Variants in NR6A1 observed in about 807,000 individuals in gnomAD.
NR6A1 encodes retinoic acid receptor-related testis-associated receptor.
In NR6A1, 7 loss-of-function variants were observed where a neutral mutation model predicts 59.1. The ratio of observed to expected loss-of-function variants is 0.12; its 90% CI spans 0.07 to 0.22. NR6A1 has a LOEUF of 0.22. NR6A1 is among the 10% of genes least tolerant of loss of function. NR6A1 has a pLI of 1.00. For synonymous variants in NR6A1, 243 were observed against 236.1 expected (o/e 1.03, Z -0.27); for missense variants, 468 against 611.6 (o/e 0.77, Z 2.48).
intron 2 of NR6A1, among the ~76,000 whole-genome samples, chr9:124,570,510 T>C (rs1251093372): frequency 6.6e-6 from 1 of 152,242 alleles, no homozygotes; most frequent in African/African-American, 2.4e-5. Context: ...CTCCATCATC[T>C]GACTTCTCAA....
chr9:124,770,630 G>A (rs1841113003), intron 1 of NR6A1, among the ~76,000 whole-genome samples: 3 of 147,374 alleles, frequency 2.0e-5, no homozygotes, highest in South Asian at 4.5e-4. Flanking sequence ...TGAGGAGCCC[G>A]GGGGGAGGGG....
intron 2 of NR6A1, among the ~76,000 whole-genome samples, chr9:124,659,506 A>G (rs1410612030): frequency 6.6e-6 from 1 of 152,072 alleles, no homozygotes; most frequent in Non-Finnish European, 1.5e-5. Context: ...GGCAAGGGGG[A>G]ATGCAGAGGG....
chr9:124,632,030 C>T (rs1564209664), intron 2 of NR6A1, among the ~76,000 whole-genome samples: 1 of 152,160 alleles, frequency 6.6e-6, no homozygotes, highest in Non-Finnish European at 1.5e-5. Context: ...CATAGTATTC[C>T]ATGATGTATA....
intron 2 of NR6A1, among the ~76,000 whole-genome samples, chr9:124,616,456 A>T (rs1006654859): frequency 1.3e-5 from 2 of 151,280 alleles, no homozygotes; most frequent in African/African-American, 4.8e-5. Flanking sequence ...TCCCACAACC[A>T]CATAAACAAA....
chr9:124,688,629 C>A (rs1220284793), intron 2 of NR6A1, among the ~76,000 whole-genome samples: 1 of 152,144 alleles, frequency 6.6e-6, no homozygotes, highest in Non-Finnish European at 1.5e-5. Flanking sequence ...AGTAGCCACT[C>A]GTAACAAGAT....
intron 1 of NR6A1, among the ~76,000 whole-genome samples, chr9:124,744,791 G>A (rs1009097941): frequency 6.6e-6 from 1 of 152,212 alleles, no homozygotes; most frequent in Non-Finnish European, 1.5e-5. Flanking sequence ...CATGGTCAGA[G>A]AGCTTTCAAA....
At chr9:124,568,103 G>A (rs1834322489) in intron 2 of NR6A1, among the ~76,000 whole-genome samples, 1 of 145,962 alleles carries the variant, frequency 6.9e-6, no homozygotes, top group Non-Finnish European at 1.5e-5. Context: ...GAACTTGGAA[G>A]GTGGAGGTTG....
intron 1 of NR6A1, among the ~76,000 whole-genome samples, chr9:124,738,208 C>T (rs914764750): frequency 3.3e-5 from 5 of 151,462 alleles, no homozygotes; most frequent in East Asian, 2.0e-4. Context: ...GAGCGGAGAT[C>T]GCGCCACTGT....
At chr9:124,611,782 A>AGAGAGAGAGAGAGAGAGAGAGAGAG (rs368862963) in intron 2 of NR6A1, among the ~76,000 whole-genome samples, 1 of 120,280 alleles carries the variant, frequency 8.3e-6, no homozygotes, top group African/African-American at 3.3e-5. Flanking sequence ...AGAGAGAGAG[A>AGAGAGAGAGAGAGAGAGAGAGAGAG]ATGAGAGAGA....
chr9:124,634,550 G>A (rs957784057), intron 2 of NR6A1, among the ~76,000 whole-genome samples: 7 of 151,970 alleles, frequency 4.6e-5, no homozygotes, highest in South Asian at 2.1e-4. Flanking sequence ...TGCCGGGCAC[G>A]GTAGCTCACG....
intron 2 of NR6A1, among the ~76,000 whole-genome samples, chr9:124,716,263 A>G (rs1014479563): frequency 6.6e-6 from 1 of 152,238 alleles, no homozygotes; most frequent in African/African-American, 2.4e-5. Context: ...ACAAATGAAT[A>G]TTCATATTAA....
intron 2 of NR6A1, among the ~76,000 whole-genome samples, chr9:124,656,793 T>C (rs1404897852): frequency 2.0e-5 from 3 of 152,228 alleles, no homozygotes; most frequent in East Asian, 1.9e-4. Context: ...GACAGTGCCA[T>C]TGCATCCCAG....
rs1197610420 is a variant in NR6A1, at chr9:124,538,185, C to T, written c.731G>A (p.Arg244His). The T allele has an allele frequency of 1.9e-6, 3 of 1,614,118 alleles. No individual in the cohort carries two copies. Among genetic ancestry groups the T allele is most frequent in the South Asian group, 1.1e-5 (1 of 91,068 alleles). ...GHSPLLPQQA[R>H]SLDPQSYSLI... is the part of the protein sequence containing the mutation. ...ACTGTATGACTGGGGATCCAGGCTG[C>T]GAGCTTGTTGGGGCAGAAGTGGTGA... Residue 244 changes from arginine (R) to histidine (H), a missense_variant, in exon 6 of 10, where the codon CGC (arginine) becomes CAC (histidine). Arg to His is a conservative substitution (Grantham distance 29). This residue lies in a region of NR6A1 where 151 missense variants were observed against 142.8 expected (regional missense o/e 1.06). Coordinates refer to ENST00000487099, the MANE Select transcript of NR6A1 (RefSeq NM_033334.4).
At chr9:124,654,620 T>G (rs921424181) in intron 2 of NR6A1, among the ~76,000 whole-genome samples, 1 of 152,090 alleles carries the variant, frequency 6.6e-6, no homozygotes, top group African/African-American at 2.4e-5. Context: ...CTTGCATACT[T>G]TGGTTCCTCA....
intron 2 of NR6A1, among the ~76,000 whole-genome samples, chr9:124,681,715 A>C (rs546367518): frequency 1.3e-5 from 2 of 152,166 alleles, no homozygotes; most frequent in Non-Finnish European, 2.9e-5. Context: ...ACAGGTTCCA[A>C]ATATTTAAAG....
intron 3 of NR6A1, among the ~76,000 whole-genome samples, chr9:124,553,543 GCTTGA>G (rs1171230847): frequency 1.1e-5 from 1 of 88,542 alleles, no homozygotes; most frequent in East Asian, 3.2e-4. Context: ...CTGCTTTTTA[GCTTGA>G]CTTTTTTTTT....
intron 2 of NR6A1, among the ~76,000 whole-genome samples, chr9:124,557,998 C>T (rs1364156243): frequency 6.6e-6 from 1 of 152,210 alleles, no homozygotes; most frequent in African/African-American, 2.4e-5. Flanking sequence ...AAACCCCATA[C>T]ATAGGTGAGT....
intron 2 of NR6A1, among the ~76,000 whole-genome samples, chr9:124,603,762 T>C (rs2130827327): frequency 6.6e-6 from 1 of 152,086 alleles, no homozygotes; most frequent in Non-Finnish European, 1.5e-5. Flanking sequence ...AGCAGCAACA[T>C]AGGAAAGGGG....
intron 2 of NR6A1, among the ~76,000 whole-genome samples, chr9:124,649,463 G>A (rs1025183011): frequency 6.6e-6 from 1 of 151,558 alleles, no homozygotes; most frequent in Non-Finnish European, 1.5e-5. Flanking sequence ...AATCAAAATG[G>A]GTTGAAGACT....
Sources: gnomAD v4.1 joint callset for allele counts (sites outside exome capture counted in the v4.1 genomes callset) on GRCh38, gnomAD v4.1.1 for gene constraint, gnomAD v4.1.1 regional missense constraint, MANE v1.5 for transcripts, NCBI Gene and HGNC (gene_info 2026-07-23, HGNC 2026-07-21) for gene names.